The following SLX4 variants were observed in gnomAD, a reference collection of about 807,000 sequenced individuals.
SLX4 encodes SLX4 structure-specific endonuclease subunit.
Under a neutral mutation model 146.2 loss-of-function variants are expected in SLX4, and 112 were observed. The ratio of observed to expected loss-of-function variants is 0.77; its 90% CI spans 0.66 to 0.90. SLX4 has a LOEUF of 0.90. SLX4 is among the 40% of genes least tolerant of loss of function. The probability of loss-of-function intolerance (pLI) is 0.00; values close to 1 mark genes in which losing one functional copy is unlikely to be tolerated. For missense variants in SLX4, 2,563 were observed against 2,392.7 expected (o/e 1.07, Z -1.49); for synonymous variants, 1,061 against 997.7 (o/e 1.06, Z -1.20).
At position 3,590,046 on chromosome 16, in the gene SLX4, C is replaced by T; in HGVS notation, c.3592G>A (p.Asp1198Asn). 1 of 1,614,160 alleles carries T rather than the reference C, an allele frequency of 6.2e-7. No individual in the cohort carries two copies. The highest frequency in any genetic ancestry group is 8.5e-7 in the Non-Finnish European group (1 of 1,180,032). Residue 1198 changes from aspartate to asparagine, a missense_variant, in exon 12 of 15, where the codon GAT (aspartate) becomes AAT (asparagine). Coordinates refer to ENST00000294008, the MANE Select transcript of SLX4 (RefSeq NM_032444.4). This position sits in a 1 kb window ranked among gnomAD's most constrained non-coding sequence, Gnocchi z 4.8. Reference protein sequence around the residue: ...SCELFSIIDVDADQEPSQSPP... With the variant: ...SCELFSIIDVNADQEPSQSPP... ...CTCTGGGAAGGTTCCTGATCTGCAT[C>T]AACATCAATGATGGAAAACAGCTCA...
intron 11 of SLX4, among the ~76,000 whole-genome samples, 166 bp downstream of exon 11, chr16:3,592,533 C>A (rs988297984): frequency 6.6e-6 from 1 of 152,248 alleles, no homozygotes; most frequent in African/African-American, 2.4e-5. Context: ...CTAACATGCC[C>A]TGTTCCACAG....
At chr16:3,607,437 G>A (rs972664695) in intron 2 of SLX4, among the ~76,000 whole-genome samples, 2 of 152,202 alleles carry the variant, frequency 1.3e-5, no homozygotes, top group Non-Finnish European at 2.9e-5. Context: ...ATATATGCAA[G>A]GGTAGTTTTC....
At chr16:3,603,149 G>A (rs551896550) in intron 3 of SLX4, among the ~76,000 whole-genome samples, 1 of 152,290 alleles carries the variant, frequency 6.6e-6, no homozygotes. Context: ...TGCCTCCCGG[G>A]TCCAAGCGAT....
chr16:3,594,570 A>G lies in SLX4; in HGVS notation c.2043T>C (p.Phe681=). The change falls in exon 10 of 15, where the codon TTT becomes TTC. Residue 681 remains phenylalanine, a synonymous_variant. Transcript: ENST00000294008. ...LLSLGLLVAD[F]GAMVNNPHLS... ...GGTGTGGGTTATTGACCATGGCGCCAAAGTCAGCAACCAGCAGCCCGAGGG... is the reference window on the plus strand; with the variant it reads ...GGTGTGGGTTATTGACCATGGCGCCGAAGTCAGCAACCAGCAGCCCGAGGG... 1 of 1,614,084 alleles carries G rather than the reference A, an allele frequency of 6.2e-7. No individual in the cohort carries two copies. Among genetic ancestry groups the G allele is most frequent in the Admixed American group, 1.7e-5 (1 of 60,014 alleles).
At chr16:3,598,102 C>A in intron 5 of SLX4, 103 bp from the exon 6 acceptor site, 1 of 1,350,840 alleles carries the variant, frequency 7.4e-7, no homozygotes, top group Non-Finnish European at 1.1e-6. Flanking sequence ...AGAAAAGTGA[C>A]GGATGTGGAC....
rs151026877 is a variant in SLX4 at position 3,594,488 on chromosome 16, C to T, written c.2125G>A (p.Val709Met). 3.1e-5 allele frequency: 50 copies of T among 1,613,888 alleles called. No individual in the cohort carries two copies. The highest frequency in any genetic ancestry group is 6.7e-5 in the African/African-American group (5 of 74,904). The change falls in exon 10 of 15, where the codon GTG (valine) becomes ATG (methionine). Residue 709 changes from valine (V) to methionine (M), a missense_variant. Physicochemically the swap from Val to Met is conservative, Grantham distance 21. Transcript: ENST00000294008. ...SGEVLYAHKF[V>M]LYARCPLLIQ... ...AGGAGCGGGCATCGGGCATAAAGCA[C>T]GAACTTGTGGGCGTAAAGCACCTCC...
chr16:3,606,662 G>A lies in SLX4; in HGVS notation c.572C>T (p.Ser191Phe), dbSNP rs937279303. The change falls in exon 3 of 15, where the codon TCC becomes TTC. Residue 191 changes from serine to phenylalanine, a missense_variant. Ser to Phe is a radical substitution (Grantham distance 155, BLOSUM62 -2). Coordinates refer to ENST00000294008, the MANE Select transcript of SLX4 (RefSeq NM_032444.4). The stretch of plus-strand genomic sequence containing the variant: ...ACTTGGCACTGCTGTTGTCAAACAG[G>A]AAGGAGGAGGCTGGGAGTCGCTGTT... Reference protein sequence around the residue: ...VPNSDSQPPPSCLTTAVPSPS... With the variant: ...VPNSDSQPPPFCLTTAVPSPS... 2 of 1,614,200 alleles carry A rather than the reference G, an allele frequency of 1.2e-6. No individual in the cohort carries two copies. Among genetic ancestry groups the A allele is most frequent in the Non-Finnish European group, 8.5e-7 (1 of 1,180,044 alleles).
Position 3,584,690 on chromosome 16 carries a change from C to T in SLX4, c.4739+79G>A, listed in dbSNP as rs74762428. 7,643 of 1,136,828 alleles carry T rather than the reference C, an allele frequency of 6.7e-3. 197 individuals are homozygous for T. The highest frequency in any genetic ancestry group is 0.067 in the African/African-American group (4,364 of 65,610). 70.4% of individuals were successfully genotyped at this position (1,136,828 alleles called of 1,614,324 possible). Reference sequence around the variant, plus strand: ...CCAGAGACCACACGGGGGGCCCTTCCGCCCCCAGGTGTGTGAAACCCAGTT... The same window carrying T: ...CCAGAGACCACACGGGGGGCCCTTCTGCCCCCAGGTGTGTGAAACCCAGTT... On this transcript the variant is annotated intron_variant, in intron 13 of 14. Coordinates refer to ENST00000294008, the MANE Select transcript of SLX4 (RefSeq NM_032444.4).
intron 12 of SLX4, among the ~76,000 whole-genome samples, chr16:3,586,608 C>T (rs1273557091): frequency 1.3e-5 from 2 of 152,036 alleles, no homozygotes; most frequent in Non-Finnish European, 2.9e-5. Flanking sequence ...GTTAGGAGTT[C>T]GAGACCAGCT....
rs770098753 is a variant in SLX4 at position 3,606,639 on chromosome 16, T to C, written c.595A>G (p.Ser199Gly). The C allele has an allele frequency of 4.0e-5, 65 of 1,614,088 alleles. No individual in the cohort carries two copies. Among genetic ancestry groups the C allele is most frequent in the Non-Finnish European group, 5.4e-5 (64 of 1,180,048 alleles). Residue 199 changes from serine (S) to glycine (G), a missense_variant, in exon 3 of 15, where the codon AGT becomes GGT. By Grantham distance (56) the Ser-to-Gly change is moderately conservative. Coordinates refer to ENST00000294008, the MANE Select transcript of SLX4 (RefSeq NM_032444.4). ...PPSCLTTAVPSPSKPRTAQLV... is the reference protein window; with the variant it reads ...PPSCLTTAVPGPSKPRTAQLV... ...TGTGCTGTGCGGGGTTTGGAGGGAC[T>C]TGGCACTGCTGTTGTCAAACAGGAA...
intron 3 of SLX4, among the ~76,000 whole-genome samples, chr16:3,603,998 G>T (rs2040756636): frequency 1.3e-5 from 2 of 152,286 alleles, no homozygotes; most frequent in South Asian, 4.1e-4. Flanking sequence ...GGGAGGCTGA[G>T]GAGGGCAGAT....
rs143818824 is a variant in SLX4 at position 3,582,566 on chromosome 16, G to A, written c.5281C>T (p.Arg1761Cys). The A allele has an allele frequency of 1.4e-3, 2,200 of 1,613,784 alleles. 23 individuals carry two copies. In the African/African-American group the frequency reaches 0.026, roughly 19 times the overall value. ...DTDEALRCYI[R>C]SKPALYQKVL... Reference sequence around the variant, plus strand: ...TTCTGGTACAGGGCCGGCTTGGAGCGGATGTAGCACCTCAGCGCCTCGTCT... The same window carrying A: ...TTCTGGTACAGGGCCGGCTTGGAGCAGATGTAGCACCTCAGCGCCTCGTCT... Residue 1761 changes from arginine (R) to cysteine (C), a missense_variant, in exon 15 of 15, where the codon CGC (arginine) becomes TGC (cysteine). Physicochemically the swap from Arg to Cys is radical, Grantham distance 180. Transcript: ENST00000294008.
In SLX4 at chr16:3,608,433, T is replaced by G; in HGVS notation, c.532A>C (p.Arg178=). Residue 178 remains arginine (R), a synonymous_variant, in exon 2 of 15, where the codon AGA becomes CGA. Coordinates refer to ENST00000294008, the MANE Select transcript of SLX4 (RefSeq NM_032444.4). ...GGTTTAAAAGAGTACAAATTACCTC[T>G]GGTTTTCTCTCTGGAAAGGTTTGGC... ...PSPNLSREKT[R]ENVPNSDSQP... is the part of the protein sequence containing the mutation. 6.2e-7 allele frequency: 1 copy of G among 1,614,200 alleles called. No homozygotes were observed. Among genetic ancestry groups the G allele is most frequent in the Non-Finnish European group, 8.5e-7 (1 of 1,180,032 alleles).
chr16:3,603,313 G>A (rs1412450216), intron 3 of SLX4, among the ~76,000 whole-genome samples: 1 of 152,224 alleles, frequency 6.6e-6, no homozygotes, highest in African/African-American at 2.4e-5. Flanking sequence ...CAAAGTGCTG[G>A]GATTACAGGC....
At chr16:3,607,012 A>G (rs1169983067) in intron 2 of SLX4, among the ~76,000 whole-genome samples, 3 of 152,226 alleles carry the variant, frequency 2.0e-5, no homozygotes, top group African/African-American at 7.2e-5. Flanking sequence ...ACTAAAAACC[A>G]CTGAACCATA....
At chr16:3,608,309 A>C (rs925920071) in intron 2 of SLX4, 121 bp downstream of exon 2, 2 of 1,046,590 alleles carry the variant, frequency 1.9e-6, no homozygotes, top group Non-Finnish European at 3.0e-6. Flanking sequence ...CTGCTTTCTC[A>C]CTATGACAGC....
At chr16:3,599,606 A>T (rs548278924) in intron 5 of SLX4, among the ~76,000 whole-genome samples, 1 of 152,368 alleles carries the variant, frequency 6.6e-6, no homozygotes, top group Admixed American at 6.5e-5. Context: ...TGTTTTATGA[A>T]GACAGGTTCT....
chr16:3,610,536 T>A (rs1450038665), intron 1 of SLX4, among the ~76,000 whole-genome samples: 1 of 152,206 alleles, frequency 6.6e-6, no homozygotes, highest in African/African-American at 2.4e-5. Flanking sequence ...CATCCTGTCT[T>A]TACGGCAAGG....
chr16:3,600,528 C>T (rs1050414770), intron 5 of SLX4: 4 of 210,646 alleles, frequency 1.9e-5, no homozygotes, highest in East Asian at 1.3e-4. Context: ...GCCCGATTTC[C>T]GCCCTAAGTG....
Sources: gnomAD v4.1 joint callset for allele counts (sites outside exome capture counted in the v4.1 genomes callset) on GRCh38, gnomAD v4.1.1 for gene constraint, Gnocchi (gnomAD v3.1) non-coding constraint, MANE v1.5 for transcripts, NCBI Gene and HGNC (gene_info 2026-07-23, HGNC 2026-07-21) for gene names.